The following GRK3 variants were observed in gnomAD, a reference collection of about 807,000 sequenced individuals.
GRK3 encodes G protein-coupled receptor kinase 3, also known as adrenergic, beta, receptor kinase 2.
Under a neutral mutation model 95.7 loss-of-function variants are expected in GRK3, and 54 were observed. The observed-to-expected ratio is 0.56, with a 90% CI of 0.45 to 0.71. The LOEUF is 0.71. Among genes scored for constraint, GRK3 ranks in the 30% least tolerant of loss-of-function variants. The pLI is 0.00. For missense variants in GRK3, 649 were observed against 851.2 expected, an observed-to-expected ratio of 0.76 and a Z score of 2.96; for synonymous variants, 281 against 290.8, an observed-to-expected ratio of 0.97 and a Z score of 0.34.
At chr22:25,650,314 A>G (rs2084820960) in intron 3 of GRK3, among the ~76,000 whole-genome samples, 1 of 152,210 alleles carries the variant, frequency 6.6e-6, no homozygotes, top group African/African-American at 2.4e-5. Context: ...GGCATGAGCC[A>G]TCATGCCCGG....
chr22:25,645,688 C>T (rs1313445126), intron 3 of GRK3, among the ~76,000 whole-genome samples: 6 of 152,026 alleles, frequency 3.9e-5, no homozygotes, highest in Non-Finnish European at 7.4e-5. Context: ...TTTGGGAGGC[C>T]GAGGCGGGTG....
chr22:25,669,425 G>C (rs2084963965), intron 6 of GRK3, among the ~76,000 whole-genome samples: 1 of 152,174 alleles, frequency 6.6e-6, no homozygotes, highest in Admixed American at 6.5e-5. Flanking sequence ...TTGCTCAGCA[G>C]GACAACGACT....
At chr22:25,722,150 A>G in intron 20 of GRK3, 139 bp from the exon 21 acceptor site, 1 of 874,806 alleles carries the variant, frequency 1.1e-6, no homozygotes, top group East Asian at 2.5e-5. Context: ...CCCATCAGCT[A>G]GTAATGCCAC....
At chr22:25,714,798 A>T (rs376777573) in intron 18 of GRK3, among the ~76,000 whole-genome samples, 18 of 152,266 alleles carry the variant, frequency 1.2e-4, no homozygotes, top group African/African-American at 4.1e-4. Flanking sequence ...TTTCTTTAGT[A>T]TGCCCTTTTA....
intron 2 of GRK3, among the ~76,000 whole-genome samples, chr22:25,618,281 C>T (rs999914166): frequency 6.6e-6 from 1 of 152,180 alleles, no homozygotes; most frequent in Admixed American, 6.5e-5. Flanking sequence ...CTGATAGGTG[C>T]ACACACATTA....
chr22:25,646,003 T>C (rs1010273462), intron 3 of GRK3, among the ~76,000 whole-genome samples: 4 of 151,890 alleles, frequency 2.6e-5, no homozygotes, highest in Non-Finnish European at 5.9e-5. Context: ...CCATCCCTCA[T>C]TGGATGATGA....
rs1377066578 is a variant in GRK3, at chr22:25,723,726, G to A, written c.*1276G>A. On this transcript the variant is annotated 3_prime_UTR_variant, in exon 21 of 21. Coordinates refer to ENST00000324198, the MANE Select transcript of GRK3 (RefSeq NM_005160.4). ...TCCACGTATTTGTCCCATTCTTGGA[G>A]TAGTTTTAGTGTATGTCTTTACATT... is the stretch of plus-strand genomic sequence containing the variant. The A allele has an allele frequency of 6.6e-6, 1 of 152,150 alleles. No homozygotes were observed. The highest frequency in any genetic ancestry group is 1.5e-5 in the Non-Finnish European group (1 of 68,030). 9.4% of individuals were successfully genotyped at this position (152,150 alleles called of 1,614,324 possible). A position where few individuals can be genotyped will look rare whatever the true frequency, so the allele number is the denominator to read the frequency against.
chr22:25,659,150 C>G (rs1158130194), intron 3 of GRK3, among the ~76,000 whole-genome samples: 1 of 151,954 alleles, frequency 6.6e-6, no homozygotes, highest in Non-Finnish European at 1.5e-5. Context: ...ATTTGGAAGT[C>G]AAGCAGAGGA....
At chr22:25,586,262 A>G (rs565926812) in intron 1 of GRK3, among the ~76,000 whole-genome samples, 399 of 152,384 alleles carry the variant, frequency 2.6e-3, no homozygotes, top group African/African-American at 9.1e-3. Flanking sequence ...AGGGACTTCT[A>G]TCATTAACAG....
chr22:25,566,890 A>G (rs1466441377), intron 1 of GRK3, among the ~76,000 whole-genome samples: 3 of 149,716 alleles, frequency 2.0e-5, no homozygotes, highest in Non-Finnish European at 3.0e-5. Flanking sequence ...ATCTCAACTC[A>G]TGGGCAGTTT....
intron 2 of GRK3, among the ~76,000 whole-genome samples, chr22:25,633,639 A>T (rs926915292): frequency 6.6e-6 from 1 of 152,138 alleles, no homozygotes; most frequent in Non-Finnish European, 1.5e-5. Context: ...TCAATATGGA[A>T]TGTGTACCAT....
intron 2 of GRK3, among the ~76,000 whole-genome samples, chr22:25,607,942 C>G (rs193201500): frequency 6.6e-6 from 1 of 152,074 alleles, no homozygotes. Flanking sequence ...TGAGACTTTG[C>G]TCTAACAGCT....
chr22:25,683,547 G>A (rs1010152498), intron 9 of GRK3, among the ~76,000 whole-genome samples: 18 of 152,276 alleles, frequency 1.2e-4, no homozygotes, highest in Admixed American at 2.0e-4. Flanking sequence ...ACTCAGTATC[G>A]TCAGTGTTTT....
intron 2 of GRK3, among the ~76,000 whole-genome samples, chr22:25,632,722 A>C (rs146888082): frequency 7.9e-4 from 121 of 152,272 alleles, no homozygotes; most frequent in Middle Eastern, 3.4e-3. Flanking sequence ...AGAGATGTTC[A>C]ATGTTGCAGC....
chr22:25,589,554 C>G (rs1932426468), intron 1 of GRK3, among the ~76,000 whole-genome samples: 1 of 152,068 alleles, frequency 6.6e-6, no homozygotes, highest in Non-Finnish European at 1.5e-5. Flanking sequence ...ATACATAACT[C>G]TTATTTTGGT....
At chr22:25,648,134 A>G (rs1477928160) in intron 3 of GRK3, 6 of 623,006 alleles carry the variant, frequency 9.6e-6, no homozygotes, top group African/African-American at 3.7e-5. Context: ...AAATAAGCAA[A>G]CAGAACAAAA....
At position 25,594,501 on chromosome 22, in the gene GRK3, C is replaced by T. The variant is rs1295972047; in HGVS notation, c.114-9876C>T. Among the ~76,000 whole-genome samples, 4 of 152,160 alleles carry T rather than the reference C, an allele frequency of 2.6e-5. No homozygotes were observed. The East Asian group carries it at 7.7e-4, about 29-fold the overall frequency. On this transcript the variant is annotated intron_variant, in intron 1 of 20. Transcript: ENST00000324198. ...CAGCAGCACATCAAAGAGGTTAATTCATCATGATCAGGTAGGCTTCATTCC... is the reference window on the plus strand; with the variant it reads ...CAGCAGCACATCAAAGAGGTTAATTTATCATGATCAGGTAGGCTTCATTCC...
intron 1 of GRK3, among the ~76,000 whole-genome samples, chr22:25,568,384 G>C (rs1478713862): frequency 6.6e-6 from 1 of 152,056 alleles, no homozygotes; most frequent in Non-Finnish European, 1.5e-5. Context: ...GTTGAGTAAT[G>C]TGAACTTCAT....
intron 1 of GRK3, among the ~76,000 whole-genome samples, chr22:25,591,884 T>C (rs1932504990): frequency 1.3e-5 from 2 of 152,224 alleles, no homozygotes; most frequent in African/African-American, 4.8e-5. Flanking sequence ...TACTTACCCA[T>C]TGTGGCTATT....
Sources: allele counts gnomAD v4.1 joint callset (sites outside exome capture counted in the v4.1 genomes callset), GRCh38; gene constraint gnomAD v4.1.1; transcripts MANE v1.5; gene names NCBI Gene and HGNC (gene_info 2026-07-23, HGNC 2026-07-21).